Variants in FAT3 observed in about 807,000 individuals in gnomAD.
FAT3 encodes the protein FAT atypical cadherin 3, also known as protocadherin Fat 3.
Under a neutral mutation model 310.2 loss-of-function variants are expected in FAT3, and 95 were observed. The observed-to-expected ratio is 0.31, with a 90% confidence interval of 0.26 to 0.36. The LOEUF (loss-of-function observed/expected upper bound fraction) is 0.36. FAT3 is among the 10% of genes least tolerant of loss of function. FAT3 has a pLI of 1.00. For missense variants in FAT3, 5,408 were observed against 5,715.6 expected (o/e 0.95, Z 1.74); for synonymous variants, 2,314 against 2,192.9 (o/e 1.06, Z -1.54).
rs1175905636 is a variant in FAT3, at chr11:92,512,894, G to A, written c.3293-11740G>A. Among the ~76,000 whole-genome samples, 3 of 100,312 alleles carry A rather than the reference G, an allele frequency of 3.0e-5. 1 individual carries two copies. The highest frequency in any genetic ancestry group is 3.0e-4 in the East Asian group (1 of 3,366). 65.8% of individuals were successfully genotyped at this position (100,312 alleles called of 152,430 possible). A position where few individuals can be genotyped will look rare whatever the true frequency, so the allele number is the denominator to read the frequency against. On this transcript the variant is annotated intron_variant, in intron 2 of 27. Coordinates refer to ENST00000525166, the MANE Select transcript of FAT3 (RefSeq NM_001367949.2). ...TCCCAGCACTTTGGGAGGCCGAGGCGGGCGGATCACGAGGTCAGGAGATCG... is the reference window on the plus strand; with the variant it reads ...TCCCAGCACTTTGGGAGGCCGAGGCAGGCGGATCACGAGGTCAGGAGATCG...
chr11:92,526,485 G>A (rs1231836202), intron 3 of FAT3, among the ~76,000 whole-genome samples: 1 of 152,142 alleles, frequency 6.6e-6, no homozygotes, highest in Non-Finnish European at 1.5e-5. Flanking sequence ...GTCATTAATG[G>A]TAGGCCCAGC....
chr11:92,234,175 A>G (rs1369418963), intron 1 of FAT3, among the ~76,000 whole-genome samples: 1 of 152,268 alleles, frequency 6.6e-6, no homozygotes. Flanking sequence ...TTATTTAAAC[A>G]GATGTGGCAA....
intron 3 of FAT3, among the ~76,000 whole-genome samples, chr11:92,581,126 A>G: frequency 6.6e-6 from 1 of 151,924 alleles, no homozygotes; most frequent in Admixed American, 6.6e-5. Context: ...CTTTTGTTAC[A>G]GTCCAAATAC....
intron 1 of FAT3, among the ~76,000 whole-genome samples, chr11:92,270,622 G>A (rs1296435157): frequency 1.3e-5 from 2 of 152,050 alleles, no homozygotes; most frequent in African/African-American, 4.8e-5. Flanking sequence ...GGAGGCAGAG[G>A]TTGCAGTGAG....
intron 1 of FAT3, among the ~76,000 whole-genome samples, chr11:92,266,946 A>G (rs1483868746): frequency 6.6e-6 from 1 of 152,098 alleles, no homozygotes; most frequent in African/African-American, 2.4e-5. Context: ...GCCCATTAGC[A>G]TGTGTCTGTG....
chr11:92,618,986 A>G (rs1457930075), intron 3 of FAT3, among the ~76,000 whole-genome samples: 1 of 152,106 alleles, frequency 6.6e-6, no homozygotes, highest in African/African-American at 2.4e-5. Context: ...TTTTTTATGG[A>G]TGCCCTTTTT....
chr11:92,250,328 A>G (rs1292711615), intron 1 of FAT3, among the ~76,000 whole-genome samples: 2 of 152,150 alleles, frequency 1.3e-5, no homozygotes, highest in African/African-American at 4.8e-5. Context: ...AAACTGGTAT[A>G]TGAACACTGA....
rs192716047 is a variant in FAT3 at position 92,379,112 on chromosome 11, A to G, written c.3292+23708A>G. Among the ~76,000 whole-genome samples, 5 of 152,272 alleles carry G rather than the reference A, an allele frequency of 3.3e-5. No individual in the cohort carries two copies. In the East Asian group the frequency reaches 9.7e-4, roughly 29 times the overall value. On this transcript the variant is annotated intron_variant, in intron 2 of 27. Transcript: ENST00000525166. ...ACTCCTCTCTCCATATGCTTTCTGT[A>G]AGAAACACTTTTCCAACCTCTTTAA...
chr11:92,700,343 G>A (rs1017869062), intron 4 of FAT3, among the ~76,000 whole-genome samples: 1 of 152,224 alleles, frequency 6.6e-6, no homozygotes, highest in East Asian at 1.9e-4. Flanking sequence ...TAAGGATTTT[G>A]AATTTTTCCT....
Position 92,725,369 on chromosome 11 carries a change from A to G in FAT3, c.3669+27924A>G, listed in dbSNP as rs1026982061. On this transcript the variant is annotated intron_variant, in intron 4 of 27. Coordinates refer to ENST00000525166, the MANE Select transcript of FAT3 (RefSeq NM_001367949.2). ...AGCCATTAAAAATTGTGACAGTTCA[A>G]CTGTGAAAATCTTCAGGTTCAAGCT... Among the ~76,000 whole-genome samples the G allele has an allele frequency of 2.0e-5, 3 of 152,172 alleles. 1 individual carries two copies. Among genetic ancestry groups the G allele is most frequent in the South Asian group, 4.1e-4 (2 of 4,832 alleles).
At chr11:92,351,320 C>T (rs1374309386) in intron 1 of FAT3, among the ~76,000 whole-genome samples, 1 of 151,940 alleles carries the variant, frequency 6.6e-6, no homozygotes, top group East Asian at 1.9e-4. Context: ...GATGGTAATA[C>T]CTTGAAGCAT....
At chr11:92,548,994 G>A (rs919293955) in intron 3 of FAT3, among the ~76,000 whole-genome samples, 21 of 152,128 alleles carry the variant, frequency 1.4e-4, no homozygotes, top group African/African-American at 4.6e-4. Flanking sequence ...TAAGTCAATT[G>A]ATTAAAAGCA....
At chr11:92,629,862 A>G (rs1941490560) in intron 3 of FAT3, among the ~76,000 whole-genome samples, 2 of 152,220 alleles carry the variant, frequency 1.3e-5, no homozygotes, top group Admixed American at 1.3e-4. Flanking sequence ...TTCCCAAACA[A>G]CATGTACATC....
intron 1 of FAT3, among the ~76,000 whole-genome samples, chr11:92,312,614 G>A (rs893620041): frequency 1.3e-5 from 2 of 152,172 alleles, no homozygotes; most frequent in African/African-American, 4.8e-5. Flanking sequence ...ACCTCAAAGT[G>A]ATATATGGAG....
chr11:92,319,852 T>C (rs1252888186), intron 1 of FAT3, among the ~76,000 whole-genome samples: 5 of 152,234 alleles, frequency 3.3e-5, no homozygotes, highest in Non-Finnish European at 7.3e-5. Flanking sequence ...TTTTTCAAAC[T>C]GTATTCAGTG....
At chr11:92,727,941 G>A (rs1945047920) in intron 4 of FAT3, among the ~76,000 whole-genome samples, 1 of 152,118 alleles carries the variant, frequency 6.6e-6, no homozygotes, top group Non-Finnish European at 1.5e-5. Flanking sequence ...CTTCTTTGTT[G>A]CTGGCTGTTC....
In FAT3 at chr11:92,309,243, G is replaced by A. The variant is rs574166553; in HGVS notation, c.-17-42853G>A. Reference sequence around the variant, plus strand: ...CCGGCTTGGCGGTCCTGTCCTCATTGTTCTAATGCTCATTCCATATGTGGG... The same window carrying A: ...CCGGCTTGGCGGTCCTGTCCTCATTATTCTAATGCTCATTCCATATGTGGG... On this transcript the variant is annotated intron_variant, in intron 1 of 27. Coordinates refer to ENST00000525166, the MANE Select transcript of FAT3 (RefSeq NM_001367949.2). Among the ~76,000 whole-genome samples the A allele has an allele frequency of 1.8e-4, 27 of 146,228 alleles. 1 individual carries two copies. In the South Asian group the frequency reaches 5.3e-3, roughly 29 times the overall value.
intron 1 of FAT3, among the ~76,000 whole-genome samples, chr11:92,326,020 T>C (rs2134513912): frequency 6.6e-6 from 1 of 152,348 alleles, no homozygotes; most frequent in South Asian, 2.1e-4. Context: ...GCCATATCCA[T>C]GTTGGTGAGA....
intron 3 of FAT3, among the ~76,000 whole-genome samples, chr11:92,552,624 A>G (rs76245732): frequency 0.012 from 1,865 of 152,274 alleles, 44 homozygotes; most frequent in African/African-American, 0.043. Context: ...TCTGAATTCA[A>G]GTTCATGGTC....
Sources: allele counts gnomAD v4.1 joint callset (sites outside exome capture counted in the v4.1 genomes callset), GRCh38; gene constraint gnomAD v4.1.1; transcripts MANE v1.5; gene names NCBI Gene and HGNC (gene_info 2026-07-23, HGNC 2026-07-21).